Variants in NRXN1 observed in about 807,000 individuals in gnomAD.
NRXN1 encodes the protein neurexin 1, also known as neurexin-1.
Under a neutral mutation model 150.9 loss-of-function variants are expected in NRXN1, and 39 were observed. That is an observed-to-expected ratio of 0.26 (90% CI 0.20 to 0.34). The LOEUF (loss-of-function observed/expected upper bound fraction) is 0.34. Ranked by LOEUF, NRXN1 falls within the 10% of genes least tolerant of loss-of-function variation. The pLI, the probability that NRXN1 is intolerant of heterozygous loss-of-function variation, is 1.00. For missense variants in NRXN1, 1,815 were observed against 1,949.9 expected (o/e 0.93, Z 1.30); for synonymous variants, 924 against 757.0 (o/e 1.22, Z -3.62).
At chr2:50,049,027 C>T (rs1042065142) in intron 21 of NRXN1, among the ~76,000 whole-genome samples, 1 of 151,898 alleles carries the variant, frequency 6.6e-6, no homozygotes, top group Non-Finnish European at 1.5e-5. Flanking sequence ...GCAAGGATAC[C>T]ACAGACAAAT....
At chr2:50,180,926 C>T (rs1401820616) in intron 18 of NRXN1, among the ~76,000 whole-genome samples, 1 of 151,968 alleles carries the variant, frequency 6.6e-6, no homozygotes, top group Non-Finnish European at 1.5e-5. Flanking sequence ...TTTCCATTGA[C>T]AGGTGTTCAA....
intron 2 of NRXN1, among the ~76,000 whole-genome samples, chr2:50,961,912 T>C (rs1275681413): frequency 6.6e-6 from 1 of 151,518 alleles, no homozygotes; most frequent in Non-Finnish European, 1.5e-5. Flanking sequence ...ATCTAGACGC[T>C]TTTCTATTAG....
chr2:49,977,477 A>T (rs1041655877), intron 21 of NRXN1, among the ~76,000 whole-genome samples: 2 of 152,228 alleles, frequency 1.3e-5, no homozygotes, highest in Non-Finnish European at 2.9e-5. Context: ...TCTAAATGCT[A>T]AACTTTTCTA....
At chr2:50,223,168 G>C (rs1056755545) in intron 18 of NRXN1, among the ~76,000 whole-genome samples, 1 of 151,534 alleles carries the variant, frequency 6.6e-6, no homozygotes, top group East Asian at 1.9e-4. Flanking sequence ...TGGATGCTTA[G>C]AAGAATACCA....
chr2:50,602,241 G>A (rs1676392722), intron 8 of NRXN1, among the ~76,000 whole-genome samples: 1 of 151,998 alleles, frequency 6.6e-6, no homozygotes, highest in African/African-American at 2.4e-5. Flanking sequence ...ATTCTGTATG[G>A]GATATCAGGA....
chr2:50,786,197 A>G (rs1208396710), intron 5 of NRXN1, among the ~76,000 whole-genome samples: 1 of 152,180 alleles, frequency 6.6e-6, no homozygotes, highest in Non-Finnish European at 1.5e-5. Context: ...CATCCACATT[A>G]TAATACCAGA....
intron 18 of NRXN1, among the ~76,000 whole-genome samples, chr2:50,121,266 C>T (rs952149116): frequency 1.3e-5 from 2 of 152,222 alleles, no homozygotes; most frequent in Non-Finnish European, 2.9e-5. Context: ...TAAGATCCGC[C>T]TGCCTCAGCC....
chr2:49,998,221 C>T (rs1683309961), intron 21 of NRXN1, among the ~76,000 whole-genome samples: 1 of 152,162 alleles, frequency 6.6e-6, no homozygotes, highest in Non-Finnish European at 1.5e-5. Context: ...GTGTGTTCAT[C>T]CCTGAACCTT....
At chr2:50,624,171 A>T (rs1292171538) in intron 5 of NRXN1, among the ~76,000 whole-genome samples, 1 of 152,148 alleles carries the variant, frequency 6.6e-6, no homozygotes, top group African/African-American at 2.4e-5. Flanking sequence ...AGACTGGATT[A>T]AGAAAATGTG....
Position 50,588,230 on chromosome 2 carries a change from T to C in NRXN1, c.1320+31792A>G, listed in dbSNP as rs529812974. 6.6e-5 allele frequency among the ~76,000 whole-genome samples: 10 copies of C among 152,258 alleles called. No individual in the cohort carries two copies. In the East Asian group the frequency reaches 1.9e-3, roughly 29 times the overall value. ...AAAACCAAAAGGCAAATTCCGCAAATGAATAAGCTGCTTTTTTTAACATGC... is the reference window on the plus strand; with the variant it reads ...AAAACCAAAAGGCAAATTCCGCAAACGAATAAGCTGCTTTTTTTAACATGC... On this transcript the variant is annotated intron_variant, in intron 8 of 22. Coordinates refer to ENST00000401669, the MANE Select transcript of NRXN1 (RefSeq NM_001330078.2).
intron 17 of NRXN1, among the ~76,000 whole-genome samples, chr2:50,445,864 G>A: frequency 6.6e-6 from 1 of 152,076 alleles, no homozygotes; most frequent in East Asian, 1.9e-4. Flanking sequence ...CAGGACTAGG[G>A]ACATCCCCTA....
At chr2:50,860,645 A>C (rs1306756468) in intron 5 of NRXN1, among the ~76,000 whole-genome samples, 2 of 152,070 alleles carry the variant, frequency 1.3e-5, no homozygotes, top group African/African-American at 4.8e-5. Context: ...GTAGTCCTAG[A>C]AAGCCACACA....
intron 8 of NRXN1, among the ~76,000 whole-genome samples, chr2:50,573,311 C>T (rs1670931081): frequency 1.3e-5 from 2 of 151,656 alleles, no homozygotes; most frequent in African/African-American, 2.4e-5. Context: ...TGCAATGAAC[C>T]GTAACTGCAC....
At chr2:50,257,460 T>C (rs1021959379) in intron 17 of NRXN1, among the ~76,000 whole-genome samples, 1 of 152,112 alleles carries the variant, frequency 6.6e-6, no homozygotes, top group East Asian at 1.9e-4. Flanking sequence ...TTTTAAATAC[T>C]TTCTCCACCT....
intron 18 of NRXN1, among the ~76,000 whole-genome samples, chr2:50,173,986 G>C (rs1294343890): frequency 6.6e-6 from 1 of 151,920 alleles, no homozygotes; most frequent in Non-Finnish European, 1.5e-5. Flanking sequence ...TCAGATGATG[G>C]ATCCTACCAC....
chr2:50,683,646 A>AAAATATATATATAT, intron 5 of NRXN1, among the ~76,000 whole-genome samples: 2 of 14,898 alleles, frequency 1.3e-4, no homozygotes, highest in Non-Finnish European at 2.2e-4. Flanking sequence ...AAAAAAAAAA[A>AAAATATATATATAT]ATATATATAT....
At chr2:50,734,712 GAA>G (rs908127863) in intron 5 of NRXN1, among the ~76,000 whole-genome samples, 1 of 138,416 alleles carries the variant, frequency 7.2e-6, no homozygotes. Context: ...TTCTCACTAG[GAA>G]AAAAAAAAAA....
chr2:50,623,907 C>T (rs1680513333), intron 5 of NRXN1, among the ~76,000 whole-genome samples: 1 of 152,048 alleles, frequency 6.6e-6, no homozygotes, highest in Non-Finnish European at 1.5e-5. Flanking sequence ...TTTAGCATAA[C>T]TCATCCTAAT....
intron 12 of NRXN1, among the ~76,000 whole-genome samples, chr2:50,523,524 C>A (rs921407988): frequency 6.6e-6 from 1 of 152,230 alleles, no homozygotes; most frequent in Non-Finnish European, 1.5e-5. Flanking sequence ...TCTCAAATGG[C>A]AGCCTGATCA....
Sources: allele counts gnomAD v4.1 joint callset (sites outside exome capture counted in the v4.1 genomes callset), GRCh38; gene constraint gnomAD v4.1.1; transcripts MANE v1.5; gene names NCBI Gene and HGNC (gene_info 2026-07-23, HGNC 2026-07-21).